The following AMMECR1 variants were observed in gnomAD, a reference collection of about 807,000 sequenced individuals.
AMMECR1 encodes AMMECR nuclear protein 1, also known as nuclear protein AMMECR1.
A neutral mutation model predicts 22.5 loss-of-function variants in AMMECR1; 3 were observed. That is an observed-to-expected ratio of 0.13 (90% confidence interval 0.06 to 0.35). The LOEUF (loss-of-function observed/expected upper bound fraction) is 0.35, where lower values mean the gene tolerates loss of function less well. AMMECR1 is among the 10% of genes least tolerant of loss of function. The probability of loss-of-function intolerance (pLI) is 1.00; values close to 1 mark genes in which losing one functional copy is unlikely to be tolerated. For synonymous variants in AMMECR1, 130 were observed against 116.7 expected, an observed-to-expected ratio of 1.11 and a Z score of -0.74; for missense variants, 235 against 278.7, an observed-to-expected ratio of 0.84 and a Z score of 1.12.
At chrX:110,410,948 C>G (rs895266206) in intron 2 of AMMECR1, among the ~76,000 whole-genome samples, 2 of 112,213 alleles carry the variant, frequency 1.8e-5, no homozygotes, top group African/African-American at 3.2e-5. Context: ...TAAAATTAGG[C>G]ACTTCCTATT....
intron 2 of AMMECR1, among the ~76,000 whole-genome samples, chrX:110,358,332 A>G (rs1218365949): frequency 1.8e-5 from 2 of 111,844 alleles, no homozygotes; most frequent in Non-Finnish European, 3.8e-5. Flanking sequence ...ATAGTGGATA[A>G]GAGCTATAGT....
chrX:110,249,345 T>C (rs1283848694), intron 2 of AMMECR1, among the ~76,000 whole-genome samples: 1 of 110,847 alleles, frequency 9.0e-6, no homozygotes, highest in Non-Finnish European at 1.9e-5. Flanking sequence ...GGAAGCAGTA[T>C]CGCACAGTGG....
chrX:110,218,198 C>T (rs776366822), intron 2 of AMMECR1, among the ~76,000 whole-genome samples: 98 of 110,979 alleles, frequency 8.8e-4, no homozygotes, highest in African/African-American at 3.0e-3. Context: ...CATCCCCCAA[C>T]GCCACACAGG....
At chrX:110,203,576 G>A in intron 3 of AMMECR1, among the ~76,000 whole-genome samples, 1 of 111,524 alleles carries the variant, frequency 9.0e-6, no homozygotes, top group Non-Finnish European at 1.9e-5. Context: ...TGGTTCCCAA[G>A]TGGAGGGTCA....
chrX:110,369,124 G>A lies in AMMECR1; in HGVS notation c.-147-51275C>T, dbSNP rs1229295599. 7.2e-5 allele frequency among the ~76,000 whole-genome samples: 8 copies of A among 111,680 alleles called. No homozygotes were observed. The South Asian group carries it at 2.7e-3, about 37-fold the overall frequency. On this transcript the variant is annotated intron_variant, in intron 2 of 7. Coordinates refer to the AMMECR1 transcript ENST00000372057. ...GAGGTGGGCAGATCAGGAAGTCAGG[G>A]AATTGAGACCATCCTGGCTAACACA... is the stretch of plus-strand genomic sequence containing the variant.
At chrX:110,413,777 C>A (rs530881600) in intron 2 of AMMECR1, among the ~76,000 whole-genome samples, 1 of 111,158 alleles carries the variant, frequency 9.0e-6, no homozygotes, top group Non-Finnish European at 1.9e-5. Context: ...TCTTCCATCC[C>A]ATCAGCCCCT....
chrX:110,241,792 A>C (rs950410252), intron 2 of AMMECR1, among the ~76,000 whole-genome samples: 4 of 111,926 alleles, frequency 3.6e-5, no homozygotes, highest in Non-Finnish European at 7.5e-5. Context: ...CCGACACACA[A>C]AAAAAACAAA....
At chrX:110,225,019 C>T in intron 2 of AMMECR1, 1 of 373,253 alleles carries the variant, frequency 2.7e-6, no homozygotes, top group Non-Finnish European at 5.2e-6. Context: ...GTCCTCACTA[C>T]CACATGGGGA....
intron 2 of AMMECR1, among the ~76,000 whole-genome samples, chrX:110,425,984 AC>A (rs2068750702): frequency 8.9e-6 from 1 of 112,097 alleles, no homozygotes; most frequent in Non-Finnish European, 1.9e-5. Context: ...GTGCGCGCAC[AC>A]ACACACACAC....
rs1236600475 is a variant in AMMECR1 at position 110,195,602 on chromosome X, C to T, written c.*2918G>A. ...CTACTCAAATGAAGTTCAAGTATTA[C>T]TTCTGAGCTGTTTAAAGATCACTGA... On this transcript the variant is annotated 3_prime_UTR_variant, in exon 6 of 6. Transcript: ENST00000262844. The T allele has an allele frequency of 1.8e-5, 2 of 112,322 alleles. No individual in the cohort carries two copies. Among genetic ancestry groups the T allele is most frequent in the African/African-American group, 3.2e-5 (1 of 30,905 alleles). 9.3% of individuals were successfully genotyped at this position (112,322 alleles called of 1,213,427 possible). A position where few individuals can be genotyped will look rare whatever the true frequency, so the allele number is the denominator to read the frequency against.
At chrX:110,302,858 A>G (rs918198468) in intron 1 of AMMECR1, among the ~76,000 whole-genome samples, 1 of 110,843 alleles carries the variant, frequency 9.0e-6, no homozygotes, top group Non-Finnish European at 1.9e-5. Context: ...TAGGCGACAG[A>G]GCAAGACTTG....
intron 4 of AMMECR1, 121 bp from the exon 5 acceptor site, chrX:110,201,171 G>A (rs916056659): frequency 1.2e-5 from 5 of 424,410 alleles, no homozygotes; most frequent in African/African-American, 5.0e-5. Context: ...CAAATCTTTT[G>A]GTCCTAAAAA....
intron 2 of AMMECR1, among the ~76,000 whole-genome samples, chrX:110,390,542 T>A (rs2148285686): frequency 9.0e-6 from 1 of 111,512 alleles, no homozygotes; most frequent in African/African-American, 3.3e-5. Context: ...GAACTGAATA[T>A]GCCCAGAGGA....
At chrX:110,402,310 C>T (rs2068570673) in intron 2 of AMMECR1, among the ~76,000 whole-genome samples, 1 of 113,092 alleles carries the variant, frequency 8.8e-6, no homozygotes, top group Non-Finnish European at 1.9e-5. Flanking sequence ...ATGCCAGAAA[C>T]CGTCATGGTC....
At chrX:110,223,842 A>G (rs931547411) in intron 2 of AMMECR1, among the ~76,000 whole-genome samples, 1 of 111,923 alleles carries the variant, frequency 8.9e-6, no homozygotes, top group African/African-American at 3.2e-5. Flanking sequence ...AGAACATAAC[A>G]TATTACAATG....
At chrX:110,387,147 T>C (rs1030194541) in intron 2 of AMMECR1, among the ~76,000 whole-genome samples, 1 of 111,671 alleles carries the variant, frequency 9.0e-6, no homozygotes, top group African/African-American at 3.3e-5. Context: ...GAAAAAAATA[T>C]TGACTGTTTT....
chrX:110,314,969 G>A (rs1027055639), intron 1 of AMMECR1, among the ~76,000 whole-genome samples: 2 of 111,743 alleles, frequency 1.8e-5, no homozygotes, highest in African/African-American at 6.5e-5. Context: ...GATGAAAAGA[G>A]TGTGCGTTTA....
At chrX:110,297,685 T>C (rs2067944561) in intron 1 of AMMECR1, among the ~76,000 whole-genome samples, 1 of 112,011 alleles carries the variant, frequency 8.9e-6, no homozygotes, top group East Asian at 2.8e-4. Context: ...TTTTTAACAA[T>C]TGTTGCCAGA....
intron 1 of AMMECR1, among the ~76,000 whole-genome samples, chrX:110,316,905 A>G (rs1214224558): frequency 1.0e-5 from 1 of 98,841 alleles, no homozygotes; most frequent in Non-Finnish European, 2.0e-5. Context: ...GGTGGAATGG[A>G]AAAAAAAAAA....
Sources: gnomAD v4.1 joint callset for allele counts (sites outside exome capture counted in the v4.1 genomes callset) on GRCh38, gnomAD v4.1.1 for gene constraint, MANE v1.5 for transcripts, NCBI Gene and HGNC (gene_info 2026-07-23, HGNC 2026-07-21) for gene names.